SCN9A: variants seen among roughly 807,000 people sequenced by gnomAD.
The protein encoded by SCN9A is sodium voltage-gated channel alpha subunit 9.
A neutral mutation model predicts 187.0 loss-of-function variants in SCN9A; 131 were observed. The ratio of observed to expected loss-of-function variants is 0.70; its 90% CI spans 0.61 to 0.81. SCN9A has a LOEUF of 0.81. Ranked by LOEUF, SCN9A falls within the 30% of genes least tolerant of loss-of-function variation. The probability of loss-of-function intolerance (pLI) is 0.00; values close to 1 mark genes in which losing one functional copy is unlikely to be tolerated. For synonymous variants in SCN9A, 809 were observed against 808.6 expected, an observed-to-expected ratio of 1.00 and a Z score of -0.01; for missense variants, 2,252 against 2,396.6, an observed-to-expected ratio of 0.94 and a Z score of 1.26.
At chr2:166,208,546 A>AACTATG (rs57527839) in intron 24 of SCN9A, among the ~76,000 whole-genome samples, 2 of 151,978 alleles carry the variant, frequency 1.3e-5, no homozygotes, top group African/African-American at 2.4e-5. Flanking sequence ...ATATTTGTAT[A>AACTATG]TCATGTAATC....
intron 1 of SCN9A, among the ~76,000 whole-genome samples, chr2:166,346,625 C>G (rs1699907618): frequency 6.6e-6 from 1 of 152,082 alleles, no homozygotes; most frequent in Non-Finnish European, 1.5e-5. Context: ...ACCCTGACAA[C>G]AAAACCAAGC....
chr2:166,210,432 C>T (rs576630572), intron 24 of SCN9A, among the ~76,000 whole-genome samples: 1 of 146,940 alleles, frequency 6.8e-6, no homozygotes, highest in South Asian at 2.1e-4. Context: ...GCACGTTGTG[C>T]ACATGTACCC....
In SCN9A at chr2:166,238,189, T is replaced by C. The variant is rs1207290572; in HGVS notation, c.3706A>G (p.Ile1236Val). 3 of 1,607,610 alleles carry C rather than the reference T, an allele frequency of 1.9e-6. No homozygotes were observed. The highest frequency in any genetic ancestry group is 1.7e-5 in the Admixed American group (1 of 59,582). ...TTTAGAAGCATTTCCAGAATGAAGA[T>C]GTAAGTGAAGATCTTGTCTGCATAC... ...LEYADKIFTY[I>V]FILEMLLKWI... Residue 1236 changes from isoleucine to valine, a missense_variant, in exon 20 of 27, where the codon ATC becomes GTC. Transcript: ENST00000642356.
intron 4 of SCN9A, among the ~76,000 whole-genome samples, chr2:166,306,139 A>G (rs10171225): frequency 0.27 from 41,735 of 151,894 alleles, 6,694 homozygotes; most frequent in African/African-American, 0.45. Flanking sequence ...ACTTGAAATA[A>G]CTAAGAATAT....
intron 1 of SCN9A, among the ~76,000 whole-genome samples, chr2:166,372,150 C>A (rs530416775): frequency 4.7e-4 from 71 of 152,000 alleles, no homozygotes; most frequent in African/African-American, 1.6e-3. Flanking sequence ...ATGACACAAT[C>A]ATTTATGAGC....
At chr2:166,308,595 C>G (rs1236778027) in intron 2 of SCN9A, among the ~76,000 whole-genome samples, 1 of 152,022 alleles carries the variant, frequency 6.6e-6, no homozygotes, top group African/African-American at 2.4e-5. Context: ...TATAAATTAC[C>G]CAGTCTCAGG....
rs566500747 is a variant in SCN9A at position 166,308,507 on chromosome 2, T to G, written c.259-1433A>C. On this transcript the variant is annotated intron_variant, in intron 2 of 26. Transcript: ENST00000642356. ...GTTAAGATGTGCCTTGCTTCCCCTT[T>G]GCCTTCGACCATGATTGTAAGTTTT... is the stretch of plus-strand genomic sequence containing the variant. Among the ~76,000 whole-genome samples, 3 of 152,300 alleles carry G rather than the reference T, an allele frequency of 2.0e-5. No homozygotes were observed. The East Asian group carries it at 5.8e-4, about 29-fold the overall frequency.
At chr2:166,311,382 T>TATATATATATA (rs1559034538) in intron 2 of SCN9A, 117 bp downstream of exon 2, 1 of 83,550 alleles carries the variant, frequency 1.2e-5, no homozygotes, top group African/African-American at 4.9e-5. Flanking sequence ...ATATATTTAA[T>TATATATATATA]TTAACATTCT....
chr2:166,364,430 A>G (rs2105320324), intron 1 of SCN9A, among the ~76,000 whole-genome samples: 1 of 152,288 alleles, frequency 6.6e-6, no homozygotes, highest in South Asian at 2.1e-4. Context: ...AACAACCCAA[A>G]TGTCTATCAA....
chr2:166,284,895 A>T (rs1201194321), intron 11 of SCN9A, 71 bp from the exon 12 acceptor site: 1 of 1,447,306 alleles, frequency 6.9e-7, no homozygotes, highest in Non-Finnish European at 9.1e-7. Flanking sequence ...TATAAATACC[A>T]CTGAACCCAC....
chr2:166,358,034 TTTTATTTATTTATTTATTTATTTATTTA>T (rs371958712), intron 1 of SCN9A, among the ~76,000 whole-genome samples: 13 of 140,926 alleles, frequency 9.2e-5, no homozygotes, highest in Non-Finnish European at 1.8e-4. Flanking sequence ...GGAATAAAAC[TTTTATTTATTTATTTATTTATTTATTTA>T]TTTATTTATT....
intron 1 of SCN9A, among the ~76,000 whole-genome samples, chr2:166,317,010 A>G (rs1699125507): frequency 6.6e-6 from 1 of 152,116 alleles, no homozygotes; most frequent in African/African-American, 2.4e-5. Context: ...TGAATTATAA[A>G]AATATAATGC....
chr2:166,278,326 A>G lies in SCN9A; in HGVS notation c.2344-13T>C. 6.4e-7 allele frequency: 1 copy of G among 1,564,216 alleles called. No homozygotes were observed. Among genetic ancestry groups the G allele is most frequent in the Non-Finnish European group, 8.6e-7 (1 of 1,158,696 alleles). ...TTCCAGTAAAGACCTAAGTGAGAAAAATAATGTTTTTCTGTTAATATTAGA... is the reference window on the plus strand; with the variant it reads ...TTCCAGTAAAGACCTAAGTGAGAAAGATAATGTTTTTCTGTTAATATTAGA... On this transcript the variant is annotated splice_polypyrimidine_tract_variant and intron_variant, in intron 14 of 26. Transcript: ENST00000642356.
chr2:166,233,764 T>A (rs1394924564), intron 20 of SCN9A, among the ~76,000 whole-genome samples: 1 of 152,164 alleles, frequency 6.6e-6, no homozygotes, highest in African/African-American at 2.4e-5. Flanking sequence ...TAATTCCTTA[T>A]TAAATCTAAA....
Position 166,298,119 on chromosome 2 carries a change from G to C in SCN9A, c.902-3457C>G, listed in dbSNP as rs187660095. Among the ~76,000 whole-genome samples the C allele has an allele frequency of 1.5e-3, 222 of 152,242 alleles. 1 individual carries two copies. The highest frequency in any genetic ancestry group is 0.013 in the Admixed American group (197 of 15,288). On this transcript the variant is annotated intron_variant, in intron 7 of 26. Coordinates refer to ENST00000642356, the MANE Select transcript of SCN9A (RefSeq NM_001365536.1). ...AAAACTAGTGCAGGGGATCAGGACTGGGCAGAGGGCCTGCACATGATACTC... is the reference window on the plus strand; with the variant it reads ...AAAACTAGTGCAGGGGATCAGGACTCGGCAGAGGGCCTGCACATGATACTC...
At chr2:166,323,997 C>T (rs563817371) in intron 1 of SCN9A, among the ~76,000 whole-genome samples, 44 of 149,230 alleles carry the variant, frequency 2.9e-4, no homozygotes, top group Non-Finnish European at 5.2e-4. Context: ...AATAGCTACA[C>T]GCTCACAACT....
chr2:166,243,829 G>C (rs1388741540), intron 18 of SCN9A, among the ~76,000 whole-genome samples: 2 of 151,962 alleles, frequency 1.3e-5, no homozygotes, highest in Non-Finnish European at 2.9e-5. Context: ...ATGTCTCCAC[G>C]GTACATGGAG....
At chr2:166,238,412 A>G in intron 19 of SCN9A, 145 bp from the exon 20 acceptor site, 1 of 621,946 alleles carries the variant, frequency 1.6e-6, no homozygotes, top group Non-Finnish European at 2.8e-6. Flanking sequence ...TCTGGTTTAC[A>G]GTTATCATAT....
intron 24 of SCN9A, 107 bp from the exon 25 acceptor site, chr2:166,204,571 G>T: frequency 3.3e-6 from 2 of 603,566 alleles, no homozygotes; most frequent in Non-Finnish European, 5.5e-6. Context: ...GAAATAAAAT[G>T]TATTTTATTA....
Sources: allele counts gnomAD v4.1 joint callset (sites outside exome capture counted in the v4.1 genomes callset), GRCh38; gene constraint gnomAD v4.1.1; transcripts MANE v1.5; gene names NCBI Gene and HGNC (gene_info 2026-07-23, HGNC 2026-07-21).